The following PIK3AP1 variants were observed in gnomAD, a reference collection of about 807,000 sequenced individuals.
PIK3AP1 encodes phosphoinositide 3-kinase adapter protein 1.
In PIK3AP1, 21 loss-of-function variants were observed where a neutral mutation model predicts 88.1. That is an observed-to-expected ratio of 0.24 (90% CI 0.17 to 0.34). PIK3AP1 has a LOEUF of 0.34. PIK3AP1 is among the 10% of genes least tolerant of loss of function. PIK3AP1 has a pLI of 1.00. For synonymous variants in PIK3AP1, 398 were observed against 400.0 expected (o/e 1.00, Z 0.06); for missense variants, 828 against 1,035.7 (o/e 0.80, Z 2.75).
chr10:96,616,834 T>C (rs1849222733), intron 12 of PIK3AP1, 123 bp from the exon 13 acceptor site: 1 of 908,086 alleles, frequency 1.1e-6, no homozygotes, highest in Non-Finnish European at 1.8e-6. Flanking sequence ...ATTTACAACA[T>C]GCAAATGAGG....
intron 2 of PIK3AP1, among the ~76,000 whole-genome samples, chr10:96,683,459 T>C (rs1023815535): frequency 3.9e-5 from 6 of 152,148 alleles, no homozygotes; most frequent in Non-Finnish European, 7.4e-5. Context: ...AAAGACACTT[T>C]CAGAAAATGT....
intron 8 of PIK3AP1, 72 bp from the exon 9 acceptor site, chr10:96,628,565 C>G: frequency 7.9e-7 from 1 of 1,261,750 alleles, no homozygotes; most frequent in South Asian, 1.2e-5. Flanking sequence ...ACAGATGGAA[C>G]TATGAGGTTT....
chr10:96,656,941 A>G lies in PIK3AP1; in HGVS notation c.431-7T>C, dbSNP rs1163654311. 1 of 1,613,672 alleles carries G rather than the reference A, an allele frequency of 6.2e-7. No homozygotes were observed. Among genetic ancestry groups the G allele is most frequent in the African/African-American group, 1.3e-5 (1 of 74,894 alleles). On this transcript the variant is annotated splice_polypyrimidine_tract_variant and splice_region_variant and intron_variant, in intron 2 of 16. Transcript: ENST00000339364. Reference sequence around the variant, plus strand: ...ACTGAGTCACAGCCAGAATCTACAAAATAGAGGACACCGCTGAATGGGAAC... The same window carrying G: ...ACTGAGTCACAGCCAGAATCTACAAGATAGAGGACACCGCTGAATGGGAAC...
At chr10:96,689,874 C>T (rs934774488) in intron 2 of PIK3AP1, among the ~76,000 whole-genome samples, 1 of 152,134 alleles carries the variant, frequency 6.6e-6, no homozygotes, top group South Asian at 2.1e-4. Flanking sequence ...CCCTGCTCAG[C>T]GCAGGCCCAC....
At chr10:96,599,736 C>T (rs186370233) in intron 16 of PIK3AP1, among the ~76,000 whole-genome samples, 1 of 152,230 alleles carries the variant, frequency 6.6e-6, no homozygotes, top group East Asian at 1.9e-4. Context: ...ACATTGCATA[C>T]TCACACATCT....
chr10:96,662,888 C>CAAA (rs749898725), intron 2 of PIK3AP1, among the ~76,000 whole-genome samples: 2,461 of 22,482 alleles, frequency 0.11, 636 homozygotes, highest in East Asian at 0.15. Flanking sequence ...GACTCCGTCT[C>CAAA]AAAAAAAAAA....
rs774301849 is a variant in PIK3AP1 at position 96,651,315 on chromosome 10, G to T, written c.921C>A (p.Asn307Lys). 7 of 1,614,152 alleles carry T rather than the reference G, an allele frequency of 4.3e-6. No homozygotes were observed. In the East Asian group the frequency reaches 6.7e-5, roughly 15 times the overall value. Residue 307 changes from asparagine (N) to lysine (K), a missense_variant, in exon 6 of 17, where the codon AAC becomes AAA. This residue lies in a region of PIK3AP1 where 610 missense variants were observed against 760.1 expected (regional missense o/e 0.80). Transcript: ENST00000339364. ...GGTGCAGTCCGCTTGCAGGGATATT[G>T]TTCTTCAGGGATTCGGTTAGCAGTT... Reference protein sequence around the residue: ...LDKLLTESLKNNIPASGLHLF... With the variant: ...LDKLLTESLKKNIPASGLHLF...
intron 2 of PIK3AP1, among the ~76,000 whole-genome samples, chr10:96,669,977 C>T (rs1843820688): frequency 1.3e-5 from 2 of 151,974 alleles, no homozygotes; most frequent in African/African-American, 2.4e-5. Flanking sequence ...GAGTTCGAGA[C>T]CAGCCTGGCC....
intron 2 of PIK3AP1, among the ~76,000 whole-genome samples, chr10:96,676,592 G>C (rs191750186): frequency 6.6e-6 from 1 of 150,902 alleles, no homozygotes; most frequent in African/African-American, 2.4e-5. Context: ...TGCCTTAGAG[G>C]CCTTTTTTCC....
At chr10:96,638,143 C>A (rs1843337146) in intron 8 of PIK3AP1, among the ~76,000 whole-genome samples, 1 of 152,100 alleles carries the variant, frequency 6.6e-6, no homozygotes, top group South Asian at 2.1e-4. Flanking sequence ...TGAATGTGTG[C>A]CCCAAAATTT....
rs1039356983 is a variant in PIK3AP1, at chr10:96,720,039, C to T, written c.13+343G>A. Among the ~76,000 whole-genome samples, 1 of 152,170 alleles carries T rather than the reference C, an allele frequency of 6.6e-6. No individual in the cohort carries two copies. Among genetic ancestry groups the T allele is most frequent in the African/African-American group, 2.4e-5 (1 of 41,444 alleles). On this transcript the variant is annotated intron_variant, in intron 1 of 16. Transcript: ENST00000339364. The surrounding 1 kb of genome is among the most constrained non-coding windows in gnomAD (Gnocchi z 4.6). ...TAGACCATCCACATCGCCCGCCCTC[C>T]GCTTCTCTCAACTCGCCTCTCGCTT...
At position 96,709,616 on chromosome 10, in the gene PIK3AP1, G is replaced by A. The variant is rs1206726427; in HGVS notation, c.381C>T (p.Asp127=). ...CTGCCACGTAGGTCTCTGGCTCATC[G>A]TCACAGGTGAGCTCCTGCCAATGGG... ...DWAHWQELTC[D]DEPETYVAAV... is the part of the protein sequence containing the mutation. Residue 127 remains aspartate (D), a synonymous_variant, in exon 2 of 17, where the codon GAC becomes GAT. Transcript: ENST00000339364. 8 of 1,614,010 alleles carry A rather than the reference G, an allele frequency of 5.0e-6. No homozygotes were observed. The highest frequency in any genetic ancestry group is 1.1e-5 in the South Asian group (1 of 91,054).
intron 3 of PIK3AP1, among the ~76,000 whole-genome samples, chr10:96,655,261 T>A (rs1404410764): frequency 1.3e-5 from 2 of 152,162 alleles, no homozygotes; most frequent in Non-Finnish European, 2.9e-5. Context: ...CCCATCATTT[T>A]GTGGGGCTGA....
intron 2 of PIK3AP1, among the ~76,000 whole-genome samples, chr10:96,705,476 T>C (rs1379644871): frequency 6.6e-6 from 1 of 152,146 alleles, no homozygotes; most frequent in Non-Finnish European, 1.5e-5. Context: ...AAGTTTTTCC[T>C]AAAATTTGTC....
chr10:96,686,422 G>A (rs1844069065), intron 2 of PIK3AP1, among the ~76,000 whole-genome samples: 1 of 152,182 alleles, frequency 6.6e-6, no homozygotes. Flanking sequence ...GAGACAATTC[G>A]ATAAATGAGT....
chr10:96,598,653 A>G (rs1848827226), intron 16 of PIK3AP1, among the ~76,000 whole-genome samples: 1 of 152,230 alleles, frequency 6.6e-6, no homozygotes, highest in African/African-American at 2.4e-5. Context: ...GTATTATTAG[A>G]GTATAGAATA....
chr10:96,599,952 A>C (rs988217326), intron 16 of PIK3AP1, among the ~76,000 whole-genome samples: 2 of 152,088 alleles, frequency 1.3e-5, no homozygotes, highest in Non-Finnish European at 2.9e-5. Context: ...AATTTTTGGA[A>C]CCTGTTTCCC....
At chr10:96,645,189 G>A (rs1843442216) in intron 8 of PIK3AP1, among the ~76,000 whole-genome samples, 1 of 152,196 alleles carries the variant, frequency 6.6e-6, no homozygotes, top group Non-Finnish European at 1.5e-5. Context: ...TGAGGGCTGA[G>A]AGCCACTGAT....
At chr10:96,639,185 G>T (rs1843353274) in intron 8 of PIK3AP1, among the ~76,000 whole-genome samples, 1 of 152,180 alleles carries the variant, frequency 6.6e-6, no homozygotes. Context: ...CCTAACAGAT[G>T]TCTCAGTACC....
Sources: allele counts gnomAD v4.1 joint callset (sites outside exome capture counted in the v4.1 genomes callset), GRCh38; gene constraint gnomAD v4.1.1; regional missense constraint gnomAD v4.1.1; non-coding constraint Gnocchi (gnomAD v3.1); transcripts MANE v1.5; gene names NCBI Gene and HGNC (gene_info 2026-07-23, HGNC 2026-07-21).